PHF24: variants seen among roughly 807,000 people sequenced by gnomAD.
The protein encoded by PHF24 is PHD finger protein 24, also known as Galpha inhibitory interacting protein.
PHF24 carries 25 observed loss-of-function variants against 42.6 expected under a neutral mutation model. The ratio of observed to expected loss-of-function variants is 0.59; its 90% confidence interval spans 0.43 to 0.82. The LOEUF is 0.82. PHF24 is among the 40% of genes least tolerant of loss of function. The pLI is 0.00. For synonymous variants in PHF24, 185 were observed against 204.8 expected, an observed-to-expected ratio of 0.90 and a Z score of 0.83; for missense variants, 470 against 538.1, an observed-to-expected ratio of 0.87 and a Z score of 1.25.
the PHF24 span, among the ~76,000 whole-genome samples, chr9:34,852,591 A>G: frequency 4.5e-4 from 68 of 152,336 alleles, no homozygotes; most frequent in Middle Eastern, 3.4e-3. Flanking sequence ...CTTTGAATAT[A>G]TCATCCCACT....
chr9:34,781,376 G>C, the PHF24 span, among the ~76,000 whole-genome samples: 1 of 152,184 alleles, frequency 6.6e-6, no homozygotes, highest in African/African-American at 2.4e-5. Flanking sequence ...GATTTCATTT[G>C]AATGAGGGAC....
the PHF24 span, among the ~76,000 whole-genome samples, chr9:34,769,348 T>C: frequency 6.6e-6 from 1 of 152,168 alleles, no homozygotes; most frequent in Admixed American, 6.5e-5. Flanking sequence ...CTTGAACTCC[T>C]GACCTCAGGT....
exon 8 of PHF24, chr9:34,981,927 G>A (rs1230006105): frequency 2.0e-5 from 3 of 152,068 alleles, no homozygotes; most frequent in Non-Finnish European, 4.4e-5. Flanking sequence ...CAGCCCTGGT[G>A]TAGGGTGGGA....
chr9:34,666,013 A>C, the PHF24 span: 6 of 336,824 alleles, frequency 1.8e-5, no homozygotes, highest in Admixed American at 4.6e-5. Context: ...GCGCAGCCTA[A>C]ACTCCCGCCC....
chr9:34,696,416 A>G, the PHF24 span, among the ~76,000 whole-genome samples: 1 of 149,998 alleles, frequency 6.7e-6, no homozygotes, highest in Non-Finnish European at 1.5e-5. Context: ...TTAACCCGGG[A>G]GACAGAAGTT....
At chr9:34,936,183 C>T in the PHF24 span, among the ~76,000 whole-genome samples, 2 of 152,156 alleles carry the variant, frequency 1.3e-5, no homozygotes, top group Admixed American at 1.3e-4. Context: ...ATTCTCCTGC[C>T]TCAGCCTGCC....
the PHF24 span, among the ~76,000 whole-genome samples, chr9:34,951,529 G>T: frequency 6.6e-6 from 1 of 152,160 alleles, no homozygotes; most frequent in Non-Finnish European, 1.5e-5. Context: ...GAAGACAGAG[G>T]AAGGGGCCAC....
chr9:34,947,875 G>C, the PHF24 span, among the ~76,000 whole-genome samples: 1 of 152,132 alleles, frequency 6.6e-6, no homozygotes. Flanking sequence ...TTGGGAGGCC[G>C]AGGCAGGCAG....
the PHF24 span, among the ~76,000 whole-genome samples, chr9:34,713,035 G>A: frequency 6.6e-6 from 1 of 152,178 alleles, no homozygotes; most frequent in African/African-American, 2.4e-5. Flanking sequence ...ATATTACAGT[G>A]TGGTATCTCT....
At chr9:34,851,770 C>T in the PHF24 span, among the ~76,000 whole-genome samples, 3 of 152,204 alleles carry the variant, frequency 2.0e-5, no homozygotes, top group Non-Finnish European at 4.4e-5. Context: ...AATTGTCGAT[C>T]ACAAGTTAAC....
the PHF24 span, among the ~76,000 whole-genome samples, chr9:34,693,819 G>T: frequency 6.6e-6 from 1 of 152,172 alleles, no homozygotes; most frequent in African/African-American, 2.4e-5. Context: ...TTGTGTGGCT[G>T]TAAGTTATTA....
At chr9:34,756,727 G>T in the PHF24 span, among the ~76,000 whole-genome samples, 498 of 151,712 alleles carry the variant, frequency 3.3e-3, 6 homozygotes, top group South Asian at 3.5e-3. Flanking sequence ...AATTTTAAGG[G>T]TTTTTTTTCT....
At chr9:34,752,983 C>T in the PHF24 span, among the ~76,000 whole-genome samples, 1 of 151,978 alleles carries the variant, frequency 6.6e-6, no homozygotes, top group African/African-American at 2.4e-5. Flanking sequence ...ATTTAACATC[C>T]CTTCATGATA....
chr9:34,698,428 GTACTGCAAAATGTAC>G, the PHF24 span, among the ~76,000 whole-genome samples: 2 of 92,372 alleles, frequency 2.2e-5, no homozygotes, highest in Non-Finnish European at 3.1e-5. Context: ...ACTGCAAAAT[GTACTGCAAAATGTAC>G]TACTGCAAAA....
the PHF24 span, among the ~76,000 whole-genome samples, chr9:34,667,346 C>T: frequency 1.3e-5 from 2 of 152,170 alleles, no homozygotes; most frequent in African/African-American, 4.8e-5. Flanking sequence ...TCTTGTCTTC[C>T]CTTGTCTGAG....
chr9:34,805,942 A>G, the PHF24 span, among the ~76,000 whole-genome samples: 1 of 152,240 alleles, frequency 6.6e-6, no homozygotes, highest in African/African-American at 2.4e-5. Flanking sequence ...CAGTTGGCCC[A>G]GCATTGTTTG....
chr9:34,709,674 G>A, the PHF24 span: 3 of 1,613,846 alleles, frequency 1.9e-6, no homozygotes, highest in South Asian at 1.1e-5. Flanking sequence ...GCGCTTGCGG[G>A]GCAAGAACCT....
chr9:34,881,388 A>G, the PHF24 span, among the ~76,000 whole-genome samples: 3 of 152,106 alleles, frequency 2.0e-5, no homozygotes, highest in Non-Finnish European at 4.4e-5. Context: ...ATAGAGACAC[A>G]AAAAACCCTT....
At chr9:34,899,547 G>T in the PHF24 span, among the ~76,000 whole-genome samples, 2 of 152,182 alleles carry the variant, frequency 1.3e-5, no homozygotes, top group Admixed American at 6.5e-5. Flanking sequence ...GGGGACAGAG[G>T]TGCATAGTTG....
Sources: gnomAD v4.1 joint callset for allele counts (sites outside exome capture counted in the v4.1 genomes callset) on GRCh38, gnomAD v4.1.1 for gene constraint, MANE v1.5 for transcripts, NCBI Gene and HGNC (gene_info 2026-07-23, HGNC 2026-07-21) for gene names.